Variants in DCC observed in about 807,000 individuals in gnomAD.
The protein encoded by DCC is netrin receptor DCC.
Under a neutral mutation model 172.5 loss-of-function variants are expected in DCC, and 58 were observed. The observed-to-expected ratio is 0.34, with a 90% CI of 0.27 to 0.42. DCC has a LOEUF of 0.42. Among genes scored for constraint, DCC ranks in the 10% least tolerant of loss-of-function variants. DCC has a pLI of 1.00. For missense variants in DCC, 1,740 were observed against 1,791.0 expected, an observed-to-expected ratio of 0.97 and a Z score of 0.51; for synonymous variants, 709 against 644.5, an observed-to-expected ratio of 1.10 and a Z score of -1.52.
At chr18:53,364,682 T>A (rs568512521) in intron 15 of DCC, among the ~76,000 whole-genome samples, 2 of 152,308 alleles carry the variant, frequency 1.3e-5, no homozygotes, top group Admixed American at 6.5e-5. Flanking sequence ...CTTCTCTTTT[T>A]CATACATGTA....
At chr18:52,719,690 C>G (rs954915718) in intron 1 of DCC, among the ~76,000 whole-genome samples, 1 of 152,042 alleles carries the variant, frequency 6.6e-6, no homozygotes, top group Non-Finnish European at 1.5e-5. Flanking sequence ...GAGAAGAGGC[C>G]CAGCTTTTGA....
intron 15 of DCC, among the ~76,000 whole-genome samples, chr18:53,362,872 A>G (rs534806919): frequency 6.6e-6 from 1 of 152,288 alleles, no homozygotes; most frequent in South Asian, 2.1e-4. Context: ...TAATACATGC[A>G]TTATGAACAA....
chr18:52,778,813 C>A (rs918821907), intron 2 of DCC, among the ~76,000 whole-genome samples: 14 of 152,154 alleles, frequency 9.2e-5, no homozygotes, highest in African/African-American at 3.1e-4. Flanking sequence ...TTATTTTCCA[C>A]ACTTAGGCAT....
intron 7 of DCC, among the ~76,000 whole-genome samples, chr18:53,096,120 C>T (rs2043084497): frequency 1.3e-5 from 2 of 151,874 alleles, no homozygotes; most frequent in East Asian, 1.9e-4. Flanking sequence ...CTAACCAGCA[C>T]ATTATGCACA....
intron 12 of DCC, among the ~76,000 whole-genome samples, chr18:53,297,400 AT>A (rs2057080593): frequency 6.6e-6 from 1 of 152,104 alleles, no homozygotes; most frequent in Admixed American, 6.6e-5. Flanking sequence ...TATAGTTCTT[AT>A]TTTTTCCCAA....
chr18:53,353,024 T>C (rs2144909005), intron 15 of DCC, among the ~76,000 whole-genome samples: 1 of 151,168 alleles, frequency 6.6e-6, no homozygotes. Context: ...ACATTTAAAG[T>C]GGGGTGGTTT....
chr18:52,841,942 A>G (rs187939643), intron 2 of DCC, among the ~76,000 whole-genome samples: 29 of 152,266 alleles, frequency 1.9e-4, no homozygotes, highest in Non-Finnish European at 3.7e-4. Flanking sequence ...AATATGAGAT[A>G]TATCAAACAG....
intron 1 of DCC, among the ~76,000 whole-genome samples, chr18:52,353,166 C>T (rs948284664): frequency 1.1e-4 from 17 of 152,130 alleles, no homozygotes; most frequent in Admixed American, 9.8e-4. Flanking sequence ...TGTGGTTTAG[C>T]GGCAAATATA....
intron 2 of DCC, among the ~76,000 whole-genome samples, chr18:52,843,281 AG>A (rs1447142016): frequency 6.6e-6 from 1 of 152,190 alleles, no homozygotes; most frequent in African/African-American, 2.4e-5. Flanking sequence ...TTTAGCTTTA[AG>A]GGTATATGAA....
intron 20 of DCC, among the ~76,000 whole-genome samples, chr18:53,411,756 G>A (rs1450159321): frequency 3.3e-5 from 5 of 152,080 alleles, no homozygotes; most frequent in Non-Finnish European, 5.9e-5. Context: ...TCTTAATGGC[G>A]GAGTAGAAGT....
chr18:52,447,173 A>G (rs1472495990), intron 1 of DCC, among the ~76,000 whole-genome samples: 1 of 152,200 alleles, frequency 6.6e-6, no homozygotes, highest in Non-Finnish European at 1.5e-5. Context: ...ACAAGAAAAT[A>G]TGGCACCTTC....
At chr18:53,278,513 A>T (rs747849073) in intron 12 of DCC, among the ~76,000 whole-genome samples, 14 of 152,128 alleles carry the variant, frequency 9.2e-5, no homozygotes, top group Non-Finnish European at 1.8e-4. Context: ...TTAATGAGGT[A>T]GAGGTAAAAC....
At chr18:53,127,159 AT>A (rs1323266891) in intron 7 of DCC, among the ~76,000 whole-genome samples, 6 of 145,982 alleles carry the variant, frequency 4.1e-5, no homozygotes, top group East Asian at 2.0e-4. Context: ...TTTCATTTAA[AT>A]TTTTTTTTCA....
chr18:53,388,062 A>G (rs1024104813), intron 16 of DCC, among the ~76,000 whole-genome samples: 2 of 152,228 alleles, frequency 1.3e-5, no homozygotes, highest in African/African-American at 4.8e-5. Context: ...CAAAAACACC[A>G]GTGATCCAGG....
chr18:52,725,840 G>A (rs746139231), intron 1 of DCC, among the ~76,000 whole-genome samples: 13 of 152,144 alleles, frequency 8.5e-5, no homozygotes, highest in East Asian at 5.8e-4. Context: ...CTTGAGTCAC[G>A]CATCAAATGT....
intron 2 of DCC, among the ~76,000 whole-genome samples, chr18:52,811,684 A>T (rs567047432): frequency 2.0e-5 from 3 of 152,300 alleles, no homozygotes; most frequent in African/African-American, 7.2e-5. Flanking sequence ...TGATATTATA[A>T]ATTATAAGAA....
At chr18:52,630,937 C>T (rs1027561999) in intron 1 of DCC, among the ~76,000 whole-genome samples, 3 of 152,274 alleles carry the variant, frequency 2.0e-5, no homozygotes, top group Non-Finnish European at 2.9e-5. Flanking sequence ...ACCTCGAGTA[C>T]TATGCCCTTA....
At chr18:52,521,062 C>G (rs1052128840) in intron 1 of DCC, among the ~76,000 whole-genome samples, 1 of 151,890 alleles carries the variant, frequency 6.6e-6, no homozygotes, top group Non-Finnish European at 1.5e-5. Flanking sequence ...GCCAAAAATT[C>G]TGTTGAGAGA....
chr18:52,475,229 C>CTAACTAACTAACA (rs1989059297), intron 1 of DCC, among the ~76,000 whole-genome samples: 2 of 152,270 alleles, frequency 1.3e-5, no homozygotes, highest in Non-Finnish European at 2.9e-5. Context: ...TTTCTACTAA[C>CTAACTAACTAACA]TTCCAGATGG....
Sources: gnomAD v4.1 joint callset for allele counts (sites outside exome capture counted in the v4.1 genomes callset) on GRCh38, gnomAD v4.1.1 for gene constraint, MANE v1.5 for transcripts, NCBI Gene and HGNC (gene_info 2026-07-23, HGNC 2026-07-21) for gene names.